The following PRKCB variants were observed in gnomAD, a reference collection of about 807,000 sequenced individuals.
The protein encoded by PRKCB is protein kinase C beta, also known as protein kinase C beta type.
A neutral mutation model predicts 81.5 loss-of-function variants in PRKCB; 13 were observed. The observed-to-expected ratio is 0.16, with a 90% CI of 0.10 to 0.25. The LOEUF is 0.25. PRKCB is among the 10% of genes least tolerant of loss of function. The pLI is 1.00. For synonymous variants in PRKCB, 335 were observed against 321.4 expected (o/e 1.04, Z -0.45); for missense variants, 509 against 875.7 (o/e 0.58, Z 5.29).
At chr16:24,193,054 G>A (rs1194171471) in intron 16 of PRKCB, among the ~76,000 whole-genome samples, 1 of 151,950 alleles carries the variant, frequency 6.6e-6, no homozygotes, top group Non-Finnish European at 1.5e-5. Context: ...CGACCTCCAG[G>A]GCTCATGCGA....
chr16:24,188,111 C>A (rs1967732798), intron 15 of PRKCB, among the ~76,000 whole-genome samples: 1 of 152,174 alleles, frequency 6.6e-6, no homozygotes, highest in South Asian at 2.1e-4. Context: ...GCCTTCAGCT[C>A]CTGCTCCAAT....
At chr16:23,933,579 A>G (rs1191017070) in intron 2 of PRKCB, among the ~76,000 whole-genome samples, 1 of 152,126 alleles carries the variant, frequency 6.6e-6, no homozygotes, top group Admixed American at 6.5e-5. Context: ...ACCTTCAATT[A>G]TTATATTATA....
chr16:24,031,845 A>ACT (rs1965554646), intron 3 of PRKCB: 1 of 274,738 alleles, frequency 3.6e-6, no homozygotes, highest in African/African-American at 2.2e-5. Context: ...TACAGGCAGG[A>ACT]GCCTGTAGGT....
intron 16 of PRKCB, among the ~76,000 whole-genome samples, chr16:24,205,903 A>T (rs1323245936): frequency 6.6e-6 from 1 of 152,188 alleles, no homozygotes; most frequent in Non-Finnish European, 1.5e-5. Flanking sequence ...GAATAACAGG[A>T]GGGAAGAATG....
chr16:24,123,936 C>A lies in PRKCB; in HGVS notation c.1020C>A (p.Thr340=). Residue 340 remains threonine (T), a synonymous_variant, in exon 9 of 17, where the codon ACC becomes ACA. Transcript: ENST00000643927. ...NNGNRDRMKL[T]DFNFLMVLGK... ...GCAACAGAGACCGGATGAAACTGAC[C>A]GATTTTAACTTCCTAATGGTGCTGG... 6.2e-7 allele frequency: 1 copy of A among 1,614,078 alleles called. No individual in the cohort carries two copies. Among genetic ancestry groups the A allele is most frequent in the South Asian group, 1.1e-5 (1 of 91,064 alleles).
At chr16:23,939,734 T>G (rs1212725787) in intron 2 of PRKCB, among the ~76,000 whole-genome samples, 3 of 152,194 alleles carry the variant, frequency 2.0e-5, no homozygotes, top group Non-Finnish European at 4.4e-5. Context: ...ATGTAAAATA[T>G]AAAACTATAC....
chr16:24,040,007 A>G (rs1305689514), intron 5 of PRKCB, among the ~76,000 whole-genome samples: 1 of 152,198 alleles, frequency 6.6e-6, no homozygotes, highest in Non-Finnish European at 1.5e-5. Context: ...AAGCATGGTC[A>G]GTATTAGGAT....
intron 2 of PRKCB, among the ~76,000 whole-genome samples, chr16:23,952,718 C>G (rs1964299817): frequency 6.6e-6 from 1 of 152,162 alleles, no homozygotes; most frequent in Admixed American, 6.5e-5. Flanking sequence ...TTTTCTAAAG[C>G]AGTAGAGAGT....
chr16:24,052,487 G>A (rs576691805), intron 5 of PRKCB, among the ~76,000 whole-genome samples: 1 of 152,326 alleles, frequency 6.6e-6, no homozygotes, highest in East Asian at 1.9e-4. Context: ...CAGCCCTAAA[G>A]CTGCTGGCTA....
At chr16:23,979,712 CT>C (rs2141812041) in intron 2 of PRKCB, among the ~76,000 whole-genome samples, 1 of 152,302 alleles carries the variant, frequency 6.6e-6, no homozygotes, top group African/African-American at 2.4e-5. Context: ...TGTAACTGCA[CT>C]GTGTGAGTTG....
At chr16:23,881,567 A>T (rs1023353424) in intron 2 of PRKCB, among the ~76,000 whole-genome samples, 9 of 152,062 alleles carry the variant, frequency 5.9e-5, no homozygotes, top group Non-Finnish European at 1.2e-4. Flanking sequence ...CCCGTTTTTT[A>T]AAAAAATATT....
At chr16:24,065,504 A>G (rs535246598) in intron 5 of PRKCB, among the ~76,000 whole-genome samples, 20 of 152,184 alleles carry the variant, frequency 1.3e-4, no homozygotes, top group Non-Finnish European at 2.1e-4. Context: ...CCATCCTACC[A>G]TACACATTGT....
At chr16:23,930,698 T>A (rs538134424) in intron 2 of PRKCB, among the ~76,000 whole-genome samples, 3 of 152,202 alleles carry the variant, frequency 2.0e-5, no homozygotes, top group Non-Finnish European at 4.4e-5. Context: ...ATTGTTGTTA[T>A]GTCCTCAAAC....
rs540341676 is a variant in PRKCB at position 24,035,546 on chromosome 16, C to A, written c.528C>A (p.Leu176=). 1.4e-6 allele frequency: 2 copies of A among 1,476,396 alleles called. No homozygotes were observed. The highest frequency in any genetic ancestry group is 2.9e-5 in the African/African-American group (2 of 69,740). The allele number at this position is 1,476,396 out of a possible 1,614,324, so 91.5% of individuals were successfully genotyped here. ...TCGACAGGGACGTCCTCATTGTCCT[C>A]GGTAGGTGGCCCTGGGGCTCCACTG... ...AHIDRDVLIV[L]VRDAKNLVPM... The change falls in exon 5 of 17, where the codon CTC becomes CTA. Residue 176 remains leucine (L), a splice_region_variant and synonymous_variant. Transcript: ENST00000643927.
At chr16:24,036,827 G>T (rs1231937080) in intron 5 of PRKCB, among the ~76,000 whole-genome samples, 1 of 152,122 alleles carries the variant, frequency 6.6e-6, no homozygotes, top group East Asian at 1.9e-4. Flanking sequence ...CCCGATGCTG[G>T]TGAGACAAAT....
At chr16:23,916,468 C>T (rs971822073) in intron 2 of PRKCB, among the ~76,000 whole-genome samples, 11 of 152,122 alleles carry the variant, frequency 7.2e-5, no homozygotes, top group Non-Finnish European at 1.3e-4. Flanking sequence ...TATGTACTCA[C>T]TGGTTCAAAA....
At chr16:23,908,048 G>A (rs964839096) in intron 2 of PRKCB, among the ~76,000 whole-genome samples, 14 of 152,150 alleles carry the variant, frequency 9.2e-5, no homozygotes, top group African/African-American at 3.4e-4. Context: ...CAGCAGGTGG[G>A]GAGAGAAAGT....
chr16:23,858,937 T>C (rs1259865895), intron 2 of PRKCB, among the ~76,000 whole-genome samples: 1 of 152,130 alleles, frequency 6.6e-6, no homozygotes, highest in African/African-American at 2.4e-5. Flanking sequence ...GCTTCCAGCC[T>C]GGGAAACATA....
rs188079170 is a variant in PRKCB, at chr16:23,864,068, C to T, written c.205+26662C>T. Among the ~76,000 whole-genome samples the T allele has an allele frequency of 9.9e-5, 15 of 152,106 alleles. No individual in the cohort carries two copies. In the South Asian group the frequency reaches 1.7e-3, roughly 17 times the overall value. The stretch of plus-strand genomic sequence containing the variant: ...GGATCTCCCTTGTTCCTTTGTAGGG[C>T]GACTAACATGAAGGTTCTGACTCTT... On this transcript the variant is annotated intron_variant, in intron 2 of 16. Coordinates refer to ENST00000643927, the MANE Select transcript of PRKCB (RefSeq NM_002738.7).
Sources: gnomAD v4.1 joint callset for allele counts (sites outside exome capture counted in the v4.1 genomes callset) on GRCh38, gnomAD v4.1.1 for gene constraint, MANE v1.5 for transcripts, NCBI Gene and HGNC (gene_info 2026-07-23, HGNC 2026-07-21) for gene names.